XRCC4: variants seen among roughly 807,000 people sequenced by gnomAD.
XRCC4 encodes DNA repair protein XRCC4.
A neutral mutation model predicts 39.1 loss-of-function variants in XRCC4; 28 were observed. The ratio of observed to expected loss-of-function variants is 0.72; its 90% CI spans 0.53 to 0.98. The LOEUF (loss-of-function observed/expected upper bound fraction) is 0.98, where lower values mean the gene tolerates loss of function less well. Ranked by LOEUF, XRCC4 falls within the 50% of genes least tolerant of loss-of-function variation. The pLI is 0.00. For missense variants in XRCC4, 350 were observed against 376.4 expected (o/e 0.93, Z 0.58); for synonymous variants, 123 against 126.4 (o/e 0.97, Z 0.18).
At chr5:83,242,092 A>AG (rs1162648634) in intron 6 of XRCC4, among the ~76,000 whole-genome samples, 3 of 151,314 alleles carry the variant, frequency 2.0e-5, no homozygotes, top group Non-Finnish European at 4.4e-5. Flanking sequence ...TATTTAAAAA[A>AG]AAAAAATTCA....
chr5:83,245,954 C>G (rs1035543901), intron 6 of XRCC4, among the ~76,000 whole-genome samples: 1 of 151,368 alleles, frequency 6.6e-6, no homozygotes, highest in African/African-American at 2.4e-5. Context: ...TTGAAAGTAA[C>G]TGTTTCTTTC....
chr5:83,327,532 GAC>G (rs1195400096), intron 7 of XRCC4, among the ~76,000 whole-genome samples: 1 of 151,828 alleles, frequency 6.6e-6, no homozygotes, highest in African/African-American at 2.4e-5. Flanking sequence ...TATATGGGGT[GAC>G]AGTTATGTTA....
intron 7 of XRCC4, among the ~76,000 whole-genome samples, chr5:83,330,722 A>T (rs551718677): frequency 3.0e-4 from 45 of 152,048 alleles, no homozygotes; most frequent in Admixed American, 1.4e-3. Context: ...TATGTCTATT[A>T]TAACTATATG....
At chr5:83,271,941 A>G (rs1398572151) in intron 7 of XRCC4, among the ~76,000 whole-genome samples, 1 of 152,194 alleles carries the variant, frequency 6.6e-6, no homozygotes, top group Admixed American at 6.5e-5. Flanking sequence ...AACATTTTCT[A>G]GTGCTTCATG....
chr5:83,233,590 A>G (rs1230891688), intron 6 of XRCC4, among the ~76,000 whole-genome samples: 1 of 151,960 alleles, frequency 6.6e-6, no homozygotes, highest in Non-Finnish European at 1.5e-5. Flanking sequence ...GAACTTCTAT[A>G]TATAAAAGAA....
chr5:83,272,212 A>G (rs1204632898), intron 7 of XRCC4, among the ~76,000 whole-genome samples: 1 of 152,202 alleles, frequency 6.6e-6, no homozygotes, highest in East Asian at 1.9e-4. Context: ...ATTATTGTGT[A>G]TAATATTGTT....
At chr5:83,107,423 T>G (rs369973325) in intron 2 of XRCC4, among the ~76,000 whole-genome samples, 14 of 152,072 alleles carry the variant, frequency 9.2e-5, no homozygotes, top group African/African-American at 3.4e-4. Context: ...AACCTTCAAT[T>G]TGGACAATTT....
chr5:83,246,008 G>A (rs991574639), intron 6 of XRCC4, among the ~76,000 whole-genome samples: 1 of 150,774 alleles, frequency 6.6e-6, no homozygotes. Context: ...ATTATTTATC[G>A]AAGTTTCTTG....
chr5:83,322,233 A>G (rs950741216), intron 7 of XRCC4, among the ~76,000 whole-genome samples: 6 of 152,150 alleles, frequency 3.9e-5, no homozygotes, highest in Non-Finnish European at 5.9e-5. Flanking sequence ...TTTATTTACT[A>G]TGTATGCCAT....
intron 7 of XRCC4, among the ~76,000 whole-genome samples, chr5:83,288,504 A>G (rs1194173445): frequency 6.6e-6 from 1 of 151,800 alleles, no homozygotes; most frequent in Non-Finnish European, 1.5e-5. Context: ...GTCTTATTTG[A>G]CTGAAAAAGT....
chr5:83,355,318 C>A (rs536697144), downstream of XRCC4, among the ~76,000 whole-genome samples: 1 of 152,112 alleles, frequency 6.6e-6, no homozygotes, highest in Non-Finnish European at 1.5e-5. Flanking sequence ...ATCACTCTCT[C>A]GAATTACTTT....
chr5:83,136,153 T>C (rs538882388), intron 3 of XRCC4, among the ~76,000 whole-genome samples: 1 of 152,324 alleles, frequency 6.6e-6, no homozygotes, highest in South Asian at 2.1e-4. Flanking sequence ...TCCTTTTACC[T>C]GATCCCTATT....
intron 3 of XRCC4, among the ~76,000 whole-genome samples, chr5:83,172,375 T>C (rs1171844624): frequency 6.6e-6 from 1 of 152,186 alleles, no homozygotes; most frequent in African/African-American, 2.4e-5. Context: ...TGTGAATCTT[T>C]AAGGTCTTTT....
chr5:83,128,426 A>G (rs1046391030), intron 3 of XRCC4, among the ~76,000 whole-genome samples: 8 of 152,194 alleles, frequency 5.3e-5, no homozygotes, highest in East Asian at 1.9e-4. Flanking sequence ...TAATGCCGCA[A>G]TAAACATACA....
At position 83,203,879 on chromosome 5, in the gene XRCC4, G is replaced by A. The variant is rs371129627; in HGVS notation, c.638+172G>A. Among the ~76,000 whole-genome samples, 16 of 152,104 alleles carry A rather than the reference G, an allele frequency of 1.1e-4. No homozygotes were observed. In the South Asian group the frequency reaches 2.3e-3, roughly 22 times the overall value. ...GGTACCATGGGCTAGAGAGTTCTCA[G>A]CATGGTCTCTCTATGTCTGCTCAAC... On this transcript the variant is annotated intron_variant, in intron 5 of 7. Transcript: ENST00000396027.
chr5:83,181,952 T>A (rs369196702), intron 3 of XRCC4, among the ~76,000 whole-genome samples: 1 of 152,128 alleles, frequency 6.6e-6, no homozygotes. Flanking sequence ...ATGGCAATTC[T>A]GGGAGAGCCA....
At chr5:83,086,488 A>G (rs1047869085) in intron 1 of XRCC4, among the ~76,000 whole-genome samples, 1 of 152,240 alleles carries the variant, frequency 6.6e-6, no homozygotes, top group Non-Finnish European at 1.5e-5. Flanking sequence ...TATATTTACT[A>G]TTCATTAAGT....
intron 6 of XRCC4, among the ~76,000 whole-genome samples, chr5:83,215,613 A>G (rs1288847483): frequency 6.6e-6 from 1 of 152,240 alleles, no homozygotes; most frequent in Non-Finnish European, 1.5e-5. Flanking sequence ...TCATTATATC[A>G]GACATAGTCT....
chr5:83,204,229 C>T (rs1402828632), intron 5 of XRCC4, among the ~76,000 whole-genome samples: 3 of 152,040 alleles, frequency 2.0e-5, no homozygotes, highest in South Asian at 2.1e-4. Context: ...ATACGGCTTT[C>T]GACGATTATA....
Sources: gnomAD v4.1 joint callset for allele counts (sites outside exome capture counted in the v4.1 genomes callset) on GRCh38, gnomAD v4.1.1 for gene constraint, MANE v1.5 for transcripts, NCBI Gene and HGNC (gene_info 2026-07-23, HGNC 2026-07-21) for gene names.